The following SVIL variants were observed in gnomAD, a reference collection of about 807,000 sequenced individuals.
SVIL encodes supervillin.
SVIL carries 101 observed loss-of-function variants against 240.4 expected under a neutral mutation model. The observed-to-expected ratio is 0.42, with a 90% CI of 0.36 to 0.50. The LOEUF (loss-of-function observed/expected upper bound fraction) is 0.50. SVIL is among the 20% of genes least tolerant of loss of function. The pLI, the probability that SVIL is intolerant of heterozygous loss-of-function variation, is 0.01. For missense variants in SVIL, 2,512 were observed against 2,818.7 expected (o/e 0.89, Z 2.46); for synonymous variants, 999 against 1,100.0 (o/e 0.91, Z 1.82).
chr10:29,532,060 T>G lies in SVIL; in HGVS notation c.1951A>C (p.Thr651Pro). The change falls in exon 9 of 38, where the codon ACT (threonine) becomes CCT (proline). Residue 651 changes from threonine (T) to proline (P), a missense_variant. Coordinates refer to ENST00000355867, the MANE Select transcript of SVIL (RefSeq NM_021738.3). ...RYFSPGESRK[T>P]SERFRTQPIT... ...GGTTGGGTTCTAAATCTCTCGGAAG[T>G]TTTTCTACTTTCACCAGGAGAAAAA... 1 of 1,614,090 alleles carries G rather than the reference T, an allele frequency of 6.2e-7. No homozygotes were observed. The highest frequency in any genetic ancestry group is 8.5e-7 in the Non-Finnish European group (1 of 1,179,998).
At chr10:29,606,630 T>C (rs1176644478) in intron 1 of SVIL, among the ~76,000 whole-genome samples, 8 of 152,252 alleles carry the variant, frequency 5.3e-5, no homozygotes, top group Non-Finnish European at 1.5e-5. Context: ...AACAATATTA[T>C]TTGGTATCAT....
upstream of SVIL, chr10:29,736,749 G>C (rs973365911): frequency 6.6e-6 from 1 of 152,320 alleles, no homozygotes; most frequent in Non-Finnish European, 1.5e-5. Context: ...GGCCCGGGCC[G>C]GGGGTGCACA....
intron 1 of SVIL, among the ~76,000 whole-genome samples, chr10:29,628,059 T>C (rs146181597): frequency 1.0e-3 from 152 of 152,332 alleles, no homozygotes; most frequent in African/African-American, 3.4e-3. Flanking sequence ...ATTGAATTAA[T>C]TGCAAAATAA....
chr10:29,492,984 C>T (rs1404052317), intron 21 of SVIL, among the ~76,000 whole-genome samples: 1 of 152,096 alleles, frequency 6.6e-6, no homozygotes, highest in Non-Finnish European at 1.5e-5. Flanking sequence ...GTGGCCCACG[C>T]GGTCTGCCTG....
chr10:29,457,417 C>CTGTTTGTT lies in SVIL; in HGVS notation c.*829_*830insAACAAACA, dbSNP rs10634956. Reference sequence around the variant, plus strand: ...CCTATATCACAAAATGACATGTGTACTGTTTACAACCGGTATTAGAAATTG... The same window carrying CTGTTTGTT: ...CCTATATCACAAAATGACATGTGTACTGTTTGTTTGTTTACAACCGGTATTAGAAATTG... On this transcript the variant is annotated 3_prime_UTR_variant, in exon 38 of 38. Transcript: ENST00000355867. 2 of 151,980 alleles carry CTGTTTGTT rather than the reference C, an allele frequency of 1.3e-5. No homozygotes were observed. The highest frequency in any genetic ancestry group is 4.8e-5 in the African/African-American group (2 of 41,386). The allele number at this position is 151,980 out of a possible 1,614,324, so 9.4% of individuals were successfully genotyped here.
Position 29,532,893 on chromosome 10 carries a change from C to T in SVIL, c.1474G>A (p.Glu492Lys). The T allele has an allele frequency of 6.2e-7, 1 of 1,614,080 alleles. No homozygotes were observed. Among genetic ancestry groups the T allele is most frequent in the Non-Finnish European group, 8.5e-7 (1 of 1,180,008 alleles). ...VSTVTLEHQK[E>K]LENVAQPPQA... is the part of the protein sequence containing the mutation. Reference sequence around the variant, plus strand: ...GGGGGTTGTGCCACGTTTTCCAGTTCCTTCTGATGCTCTAAGGTGACTGTG... The same window carrying T: ...GGGGGTTGTGCCACGTTTTCCAGTTTCTTCTGATGCTCTAAGGTGACTGTG... Residue 492 changes from glutamate to lysine, a missense_variant, in exon 8 of 38, where the codon GAA becomes AAA. Glu to Lys is a moderately conservative substitution (Grantham distance 56, BLOSUM62 1). Transcript: ENST00000355867.
intron 18 of SVIL, chr10:29,496,629 G>C (rs1948468457): frequency 3.8e-6 from 1 of 265,076 alleles, no homozygotes; most frequent in Non-Finnish European, 7.6e-6. Context: ...GATCCTTAGG[G>C]AATGAATGGC....
intron 2 of SVIL, among the ~76,000 whole-genome samples, chr10:29,685,709 G>C (rs893212269): frequency 3.9e-5 from 6 of 152,172 alleles, no homozygotes; most frequent in Admixed American, 1.3e-4. Context: ...TTGGCCACGT[G>C]TATGTCTTCT....
intron 2 of SVIL, among the ~76,000 whole-genome samples, chr10:29,669,916 C>T (rs140954241): frequency 6.6e-6 from 1 of 152,148 alleles, no homozygotes; most frequent in East Asian, 1.9e-4. Context: ...GAGTTCAAGA[C>T]CAGCCTAGGC....
At chr10:29,685,889 T>C (rs1212731953) in intron 2 of SVIL, among the ~76,000 whole-genome samples, 1 of 152,148 alleles carries the variant, frequency 6.6e-6, no homozygotes, top group Non-Finnish European at 1.5e-5. Context: ...TAGAATTTAA[T>C]CTTTGGTTTA....
chr10:29,637,211 G>A (rs1358402302), upstream of SVIL, among the ~76,000 whole-genome samples: 8 of 152,160 alleles, frequency 5.3e-5, no homozygotes, highest in East Asian at 1.9e-4. Context: ...TAGTCTGGGC[G>A]TGGTGGCTCA....
intron 1 of SVIL, among the ~76,000 whole-genome samples, chr10:29,710,847 T>C (rs1019155175): frequency 6.6e-6 from 1 of 152,040 alleles, no homozygotes; most frequent in Non-Finnish European, 1.5e-5. Flanking sequence ...AAAAAATCAA[T>C]GTAAAACACA....
At chr10:29,585,855 A>G (rs921379532) in intron 1 of SVIL, among the ~76,000 whole-genome samples, 7 of 152,220 alleles carry the variant, frequency 4.6e-5, no homozygotes, top group Non-Finnish European at 8.8e-5. Context: ...GCCTCAGCTC[A>G]ATGAATGAGA....
At chr10:29,551,391 C>T in intron 5 of SVIL, 128 bp from the exon 6 acceptor site, 1 of 902,946 alleles carries the variant, frequency 1.1e-6, no homozygotes, top group Non-Finnish European at 1.6e-6. Flanking sequence ...AGTTTCTCAC[C>T]GAGGTGTGTT....
intron 16 of SVIL, among the ~76,000 whole-genome samples, chr10:29,519,161 T>C (rs535421027): frequency 1.2e-3 from 189 of 152,340 alleles, no homozygotes; most frequent in African/African-American, 4.3e-3. Context: ...AGAAAATTCA[T>C]GAAGAAAGAA....
At chr10:29,707,210 A>G (rs1018196472) in intron 1 of SVIL, among the ~76,000 whole-genome samples, 3 of 152,200 alleles carry the variant, frequency 2.0e-5, no homozygotes, top group Admixed American at 6.5e-5. Context: ...ATAGCATTGA[A>G]TCTACAAATT....
intron 18 of SVIL, among the ~76,000 whole-genome samples, 180 bp downstream of exon 18, chr10:29,498,936 G>A (rs1349597569): frequency 1.3e-5 from 2 of 152,198 alleles, no homozygotes; most frequent in Non-Finnish European, 2.9e-5. Flanking sequence ...AGCCATGACT[G>A]AGCCACTGCA....
At chr10:29,594,748 G>A (rs1245146120) in intron 1 of SVIL, among the ~76,000 whole-genome samples, 1 of 152,150 alleles carries the variant, frequency 6.6e-6, no homozygotes, top group African/African-American at 2.4e-5. Context: ...GTAGAGACAG[G>A]GTTTCGCCAT....
chr10:29,523,375 T>C (rs1435175617), intron 15 of SVIL, 76 bp downstream of exon 15: 13 of 1,378,518 alleles, frequency 9.4e-6, no homozygotes, highest in African/African-American at 1.5e-5. Context: ...TTAAAAGCCA[T>C]CATAGACACA....
Sources: gnomAD v4.1 joint callset for allele counts (sites outside exome capture counted in the v4.1 genomes callset) on GRCh38, gnomAD v4.1.1 for gene constraint, MANE v1.5 for transcripts, NCBI Gene and HGNC (gene_info 2026-07-23, HGNC 2026-07-21) for gene names.